The following ADAM9 variants were observed in gnomAD, a reference collection of about 807,000 sequenced individuals.
ADAM9 encodes ADAM metallopeptidase domain 9.
ADAM9 carries 54 observed loss-of-function variants against 108.1 expected under a neutral mutation model. The ratio of observed to expected loss-of-function variants is 0.50; its 90% CI spans 0.40 to 0.63. The LOEUF (loss-of-function observed/expected upper bound fraction) is 0.63, where lower values mean the gene tolerates loss of function less well. Among genes scored for constraint, ADAM9 ranks in the 20% least tolerant of loss-of-function variants. The pLI is 0.00. For missense variants in ADAM9, 830 were observed against 997.7 expected, an observed-to-expected ratio of 0.83 and a Z score of 2.26; for synonymous variants, 316 against 336.0, an observed-to-expected ratio of 0.94 and a Z score of 0.65.
chr8:39,071,340 C>G lies in ADAM9; in HGVS notation c.1634C>G (p.Ser545Cys), dbSNP rs1838681870. 2 of 1,613,618 alleles carry G rather than the reference C, an allele frequency of 1.2e-6. No homozygotes were observed. Among genetic ancestry groups the G allele is most frequent in the Non-Finnish European group, 1.7e-6 (2 of 1,179,936 alleles). Reference protein sequence around the residue: ...APKDCFIEVNSKGDRFGNCGF... With the variant: ...APKDCFIEVNCKGDRFGNCGF... ...AAAGATTGTTTCATTGAAGTGAATT[C>G]TAAAGGTGACAGATTTGGCAATTGT... Residue 545 changes from serine to cysteine, a missense_variant, in exon 15 of 22, where the codon TCT becomes TGT. Ser to Cys is a moderately radical substitution (Grantham distance 112). Transcript: ENST00000487273.
At chr8:39,073,686 A>ATT (rs1325999581) in intron 15 of ADAM9, among the ~76,000 whole-genome samples, 2 of 152,182 alleles carry the variant, frequency 1.3e-5, no homozygotes. Flanking sequence ...GGATAAGTGG[A>ATT]TTAATGCAGA....
chr8:39,082,737 T>C lies in ADAM9; in HGVS notation c.1962+16T>C. 6.2e-7 allele frequency: 1 copy of C among 1,606,164 alleles called. No individual in the cohort carries two copies. The highest frequency in any genetic ancestry group is 8.5e-7 in the Non-Finnish European group (1 of 1,172,986). On this transcript the variant is annotated intron_variant, in intron 17 of 21. Transcript: ENST00000487273. The stretch of plus-strand genomic sequence containing the variant: ...TGGACATGGGGTAGGTAATGTTTTC[T>C]TTTGGCTTGTTCCTGAAAGTAGTGC...
At chr8:39,072,985 A>G (rs1838744309) in intron 15 of ADAM9, among the ~76,000 whole-genome samples, 1 of 152,156 alleles carries the variant, frequency 6.6e-6, no homozygotes. Context: ...AACACATTCT[A>G]TATGATTTCA....
At chr8:39,014,827 T>TAGTTA in intron 4 of ADAM9, 1 of 415,572 alleles carries the variant, frequency 2.4e-6, no homozygotes, top group Middle Eastern at 6.3e-4. Flanking sequence ...AAAAAATCTT[T>TAGTTA]AGATTAATTA....
intron 11 of ADAM9, 128 bp downstream of exon 11, chr8:39,026,938 C>A: frequency 1.7e-6 from 2 of 1,195,980 alleles, no homozygotes; most frequent in Non-Finnish European, 2.4e-6. Context: ...AAATTAATTG[C>A]ATGACATACC....
intron 12 of ADAM9, among the ~76,000 whole-genome samples, chr8:39,043,075 C>T (rs958877251): frequency 1.4e-4 from 21 of 152,136 alleles, no homozygotes; most frequent in African/African-American, 2.7e-4. Context: ...GTTTCATCTA[C>T]GTTATTGCAA....
At chr8:39,006,770 G>A (rs1202239796) in intron 1 of ADAM9, among the ~76,000 whole-genome samples, 1 of 151,958 alleles carries the variant, frequency 6.6e-6, no homozygotes, top group East Asian at 1.9e-4. Context: ...GATTCCATGC[G>A]GATAGACTGA....
At chr8:39,095,721 T>G (rs1375128279) in intron 20 of ADAM9, among the ~76,000 whole-genome samples, 2 of 152,182 alleles carry the variant, frequency 1.3e-5, no homozygotes, top group Non-Finnish European at 2.9e-5. Flanking sequence ...AGTGAAGTAT[T>G]GAAGTTTCCT....
At chr8:39,063,404 G>T (rs974945544) in intron 14 of ADAM9, among the ~76,000 whole-genome samples, 1 of 152,158 alleles carries the variant, frequency 6.6e-6, no homozygotes, top group Non-Finnish European at 1.5e-5. Flanking sequence ...TCAGATGTTG[G>T]AGACGCTGTT....
intron 20 of ADAM9, among the ~76,000 whole-genome samples, chr8:39,099,875 G>GTTTTT (rs111740274): frequency 8.9e-5 from 8 of 89,512 alleles, no homozygotes; most frequent in African/African-American, 2.9e-4. Flanking sequence ...TATCGTGTTT[G>GTTTTT]TTTTTTTTTT....
chr8:39,101,764 T>A, intron 20 of ADAM9, 99 bp from the exon 21 acceptor site: 1 of 943,026 alleles, frequency 1.1e-6, no homozygotes, highest in Non-Finnish European at 1.6e-6. Flanking sequence ...TATTCAACTG[T>A]AGTCTGTTTA....
intron 2 of ADAM9, among the ~76,000 whole-genome samples, chr8:39,008,556 G>C (rs1645768717): frequency 6.6e-6 from 1 of 152,098 alleles, no homozygotes; most frequent in African/African-American, 2.4e-5. Context: ...TATCACTAGG[G>C]TAGGCTGCTG....
At chr8:39,070,162 A>C (rs1172159120) in intron 14 of ADAM9, among the ~76,000 whole-genome samples, 2 of 151,816 alleles carry the variant, frequency 1.3e-5, no homozygotes, top group African/African-American at 4.8e-5. Flanking sequence ...CAAAAAAAAA[A>C]AAAAAAAAAA....
At chr8:39,073,795 T>C (rs1564352613) in intron 15 of ADAM9, among the ~76,000 whole-genome samples, 1 of 152,198 alleles carries the variant, frequency 6.6e-6, no homozygotes, top group East Asian at 1.9e-4. Context: ...CAACTATACT[T>C]ATCAAACTTT....
At chr8:39,066,263 A>C (rs1366643884) in intron 14 of ADAM9, among the ~76,000 whole-genome samples, 1 of 152,226 alleles carries the variant, frequency 6.6e-6, no homozygotes, top group African/African-American at 2.4e-5. Flanking sequence ...TTGGGTATAT[A>C]CCCAGTAATG....
intron 3 of ADAM9, among the ~76,000 whole-genome samples, chr8:39,012,594 CA>C (rs1420246237): frequency 1.3e-5 from 2 of 152,176 alleles, no homozygotes; most frequent in Non-Finnish European, 2.9e-5. Context: ...GGCACATAGA[CA>C]CCATGGAATA....
chr8:39,064,303 C>G (rs745504607), intron 14 of ADAM9, among the ~76,000 whole-genome samples: 1 of 152,116 alleles, frequency 6.6e-6, no homozygotes, highest in Non-Finnish European at 1.5e-5. Context: ...TTCTAGAAAC[C>G]TTGGAATCAA....
chr8:39,103,534 T>G, intron 21 of ADAM9, 73 bp from the exon 22 acceptor site: 30 of 1,400,888 alleles, frequency 2.1e-5, no homozygotes, highest in Non-Finnish European at 2.8e-5. Flanking sequence ...GGTGTTATGT[T>G]GAGCTTGTAA....
chr8:39,072,270 G>C (rs1838718327), intron 15 of ADAM9, among the ~76,000 whole-genome samples: 1 of 152,088 alleles, frequency 6.6e-6, no homozygotes, highest in South Asian at 2.1e-4. Flanking sequence ...TACATAGTTG[G>C]AATTATTCTG....
Sources: gnomAD v4.1 joint callset for allele counts (sites outside exome capture counted in the v4.1 genomes callset) on GRCh38, gnomAD v4.1.1 for gene constraint, MANE v1.5 for transcripts, NCBI Gene and HGNC (gene_info 2026-07-23, HGNC 2026-07-21) for gene names.